Variants in DLG2 observed in about 807,000 individuals in gnomAD.
The protein encoded by DLG2 is discs large MAGUK scaffold protein 2, also known as disks large homolog 2.
A neutral mutation model predicts 132.5 loss-of-function variants in DLG2; 45 were observed. The ratio of observed to expected loss-of-function variants is 0.34; its 90% confidence interval spans 0.27 to 0.44. DLG2 has a LOEUF of 0.44. Among genes scored for constraint, DLG2 ranks in the 20% least tolerant of loss-of-function variants. The pLI is 1.00. For missense variants in DLG2, 1,045 were observed against 1,196.9 expected (o/e 0.87, Z 1.87); for synonymous variants, 424 against 419.6 (o/e 1.01, Z -0.13).
intron 6 of DLG2, among the ~76,000 whole-genome samples, chr11:85,071,928 C>T (rs1566789461): frequency 6.6e-6 from 1 of 151,818 alleles, no homozygotes. Context: ...AGTTTTTATG[C>T]AATCTACCAA....
intron 6 of DLG2, among the ~76,000 whole-genome samples, chr11:84,952,906 C>T (rs561388724): frequency 2.0e-5 from 3 of 152,286 alleles, no homozygotes; most frequent in African/African-American, 4.8e-5. Flanking sequence ...CAAGGTTTTC[C>T]GTGAGCTGAA....
intron 16 of DLG2, among the ~76,000 whole-genome samples, chr11:83,856,318 G>A (rs1339578281): frequency 6.6e-6 from 1 of 152,016 alleles, no homozygotes; most frequent in African/African-American, 2.4e-5. Context: ...CTTTATAATA[G>A]AACAATTTAT....
At chr11:84,060,401 A>T (rs932845015) in intron 10 of DLG2, among the ~76,000 whole-genome samples, 3 of 152,060 alleles carry the variant, frequency 2.0e-5, no homozygotes, top group African/African-American at 4.8e-5. Flanking sequence ...CCTCCTCTCC[A>T]CCTCGATTCA....
chr11:83,485,366 A>G (rs1038961981), intron 21 of DLG2, among the ~76,000 whole-genome samples: 4 of 152,134 alleles, frequency 2.6e-5, no homozygotes, highest in African/African-American at 9.7e-5. Context: ...CAGTCATTTT[A>G]TAAGTTATTG....
At chr11:84,669,662 C>G (rs1169323267) in intron 6 of DLG2, among the ~76,000 whole-genome samples, 1 of 152,078 alleles carries the variant, frequency 6.6e-6, no homozygotes, top group East Asian at 1.9e-4. Context: ...ACACTTTGAC[C>G]ACATTTCACA....
intron 3 of DLG2, among the ~76,000 whole-genome samples, chr11:85,340,082 G>T (rs546670626): frequency 6.6e-6 from 1 of 152,168 alleles, no homozygotes; most frequent in African/African-American, 2.4e-5. Flanking sequence ...ACAGTGTGGC[G>T]ATTCCTCAAG....
intron 18 of DLG2, among the ~76,000 whole-genome samples, chr11:83,699,667 G>A (rs1476279092): frequency 6.0e-5 from 9 of 150,938 alleles, no homozygotes; most frequent in Non-Finnish European, 5.9e-5. Context: ...CAGAGATCAC[G>A]CCACTGCACT....
chr11:85,141,426 T>A (rs1401597472), intron 5 of DLG2, among the ~76,000 whole-genome samples: 1 of 151,882 alleles, frequency 6.6e-6, no homozygotes, highest in South Asian at 2.1e-4. Context: ...TTGTTTTTTT[T>A]CCCATTGAGT....
intron 15 of DLG2, among the ~76,000 whole-genome samples, chr11:83,891,336 G>A (rs760544571): frequency 6.6e-6 from 1 of 152,136 alleles, no homozygotes; most frequent in Admixed American, 6.6e-5. Flanking sequence ...AGCCAAAAAC[G>A]GGAGCAAGGA....
intron 7 of DLG2, chr11:84,273,295 C>T: frequency 1.8e-6 from 2 of 1,108,002 alleles, no homozygotes; most frequent in Non-Finnish European, 2.4e-6. Context: ...TCACAGAACC[C>T]AGTTGAAGAG....
chr11:84,719,853 T>A (rs1360656859), intron 6 of DLG2, among the ~76,000 whole-genome samples: 1 of 152,106 alleles, frequency 6.6e-6, no homozygotes, highest in Non-Finnish European at 1.5e-5. Context: ...TCTTAAAAAA[T>A]GTCAGTTTAT....
At chr11:85,240,643 G>A (rs2152674984) in intron 4 of DLG2, among the ~76,000 whole-genome samples, 1 of 151,898 alleles carries the variant, frequency 6.6e-6, no homozygotes, top group Non-Finnish European at 1.5e-5. Flanking sequence ...TGTGTGGTCA[G>A]TTTATTGAAT....
intron 6 of DLG2, among the ~76,000 whole-genome samples, chr11:84,769,765 A>G (rs2068977220): frequency 6.6e-6 from 1 of 152,228 alleles, no homozygotes; most frequent in Non-Finnish European, 1.5e-5. Context: ...AAACTTAATC[A>G]GGCTAATGGT....
At chr11:84,654,958 T>C (rs1449550852) in intron 6 of DLG2, among the ~76,000 whole-genome samples, 1 of 152,184 alleles carries the variant, frequency 6.6e-6, no homozygotes, top group Non-Finnish European at 1.5e-5. Flanking sequence ...CTCACTTTTT[T>C]CTATCCTGAT....
chr11:84,489,555 T>G (rs1459105948), intron 7 of DLG2, among the ~76,000 whole-genome samples: 1 of 152,236 alleles, frequency 6.6e-6, no homozygotes, highest in East Asian at 1.9e-4. Context: ...CTCCTCAACC[T>G]GTCCCCATTT....
At chr11:84,810,013 G>A (rs2076393491) in intron 6 of DLG2, among the ~76,000 whole-genome samples, 1 of 151,750 alleles carries the variant, frequency 6.6e-6, no homozygotes, top group South Asian at 2.1e-4. Flanking sequence ...ACACCAATAA[G>A]CAAAAATAGA....
At chr11:83,938,136 C>A (rs10792698) in intron 14 of DLG2, among the ~76,000 whole-genome samples, 1 of 152,050 alleles carries the variant, frequency 6.6e-6, no homozygotes. Flanking sequence ...ATTGTTTAAC[C>A]ATTAAAGTTA....
chr11:83,706,230 A>G (rs1297010375), intron 18 of DLG2, among the ~76,000 whole-genome samples: 6 of 151,714 alleles, frequency 4.0e-5, no homozygotes, highest in African/African-American at 1.5e-4. Flanking sequence ...AAAAAAAAAA[A>G]ACATTTTAAA....
intron 21 of DLG2, among the ~76,000 whole-genome samples, chr11:83,516,486 A>G (rs531955376): frequency 1.3e-5 from 2 of 152,300 alleles, no homozygotes; most frequent in Admixed American, 1.3e-4. Context: ...CCAATTTGCC[A>G]GTCTGTGCCT....
Sources: allele counts gnomAD v4.1 joint callset (sites outside exome capture counted in the v4.1 genomes callset), GRCh38; gene constraint gnomAD v4.1.1; transcripts MANE v1.5; gene names NCBI Gene and HGNC (gene_info 2026-07-23, HGNC 2026-07-21).